The following TMEM217B variants were observed in gnomAD, a reference collection of about 807,000 sequenced individuals.
TMEM217B encodes transmembrane protein 217B.
the TMEM217B span, chr6:37,215,230 T>TA: frequency 6.2e-7 from 1 of 1,613,990 alleles, no homozygotes; most frequent in Non-Finnish European, 8.5e-7. Context: ...CTACAGGTGC[T>TA]GGGGGCTGAG....
chr6:37,218,503 G>A, the TMEM217B span: 125 of 1,614,072 alleles, frequency 7.7e-5, no homozygotes, highest in Admixed American at 1.6e-3. Context: ...TATTTCTGCT[G>A]TGGAGAATCT....
the TMEM217B span, among the ~76,000 whole-genome samples, chr6:37,223,153 G>A: frequency 2.6e-5 from 4 of 151,964 alleles, no homozygotes; most frequent in African/African-American, 7.3e-5. Flanking sequence ...ATAATAAGAT[G>A]TTCTGATAGA....
At chr6:37,212,933 A>C in the TMEM217B span, 1 of 1,550,294 alleles carries the variant, frequency 6.5e-7, no homozygotes, top group Non-Finnish European at 8.7e-7. Flanking sequence ...AGGACAGAGA[A>C]GATGCCCACC....
At chr6:37,255,281 C>G in the TMEM217B span, among the ~76,000 whole-genome samples, 6 of 152,188 alleles carry the variant, frequency 3.9e-5, no homozygotes, top group Non-Finnish European at 7.4e-5. Flanking sequence ...GTGAGTGGAG[C>G]CAAGTCATGT....
chr6:37,221,810 G>T, the TMEM217B span, among the ~76,000 whole-genome samples: 1 of 152,158 alleles, frequency 6.6e-6, no homozygotes, highest in Non-Finnish European at 1.5e-5. Flanking sequence ...TTAAGTGTTA[G>T]ATCAGCTAAA....
the TMEM217B span, among the ~76,000 whole-genome samples, chr6:37,219,750 C>T: frequency 6.2e-4 from 95 of 152,116 alleles, no homozygotes; most frequent in African/African-American, 2.1e-3. Context: ...AAAAATTATG[C>T]TGTTAACTCT....
At chr6:37,218,516 G>A in the TMEM217B span, 38 of 1,614,034 alleles carry the variant, frequency 2.4e-5, no homozygotes, top group Middle Eastern at 1.7e-4. Flanking sequence ...GAGAATCTCC[G>A]CTGTAGAAAT....
chr6:37,235,911 C>T, the TMEM217B span, among the ~76,000 whole-genome samples: 6 of 152,134 alleles, frequency 3.9e-5, no homozygotes, highest in African/African-American at 1.4e-4. Context: ...TTAATACCAC[C>T]ACTATGGGGA....
At chr6:37,245,233 C>T in the TMEM217B span, among the ~76,000 whole-genome samples, 19 of 152,346 alleles carry the variant, frequency 1.2e-4, no homozygotes, top group South Asian at 3.9e-3. Flanking sequence ...CGGTAGGTAG[C>T]CCCAACATCA....
At chr6:37,242,206 T>C in the TMEM217B span, among the ~76,000 whole-genome samples, 1 of 152,078 alleles carries the variant, frequency 6.6e-6, no homozygotes, top group Non-Finnish European at 1.5e-5. Context: ...TAGAGCTCAG[T>C]CCCCAGCCAA....
At chr6:37,252,911 A>T in the TMEM217B span, among the ~76,000 whole-genome samples, 2 of 151,722 alleles carry the variant, frequency 1.3e-5, no homozygotes, top group East Asian at 1.9e-4. Flanking sequence ...AAGTGCTGGG[A>T]TTGCAGGTGT....
chr6:37,241,125 G>A, the TMEM217B span, among the ~76,000 whole-genome samples: 1 of 147,824 alleles, frequency 6.8e-6, no homozygotes, highest in Non-Finnish European at 1.5e-5. Context: ...TTGAGACAGG[G>A]TCTTGCTCTG....
At chr6:37,218,510 A>T in the TMEM217B span, 2 of 1,613,994 alleles carry the variant, frequency 1.2e-6, no homozygotes, top group South Asian at 2.2e-5. Flanking sequence ...GCTGTGGAGA[A>T]TCTCCGCTGT....
At chr6:37,240,555 T>A in the TMEM217B span, among the ~76,000 whole-genome samples, 1 of 152,178 alleles carries the variant, frequency 6.6e-6, no homozygotes, top group Non-Finnish European at 1.5e-5. Flanking sequence ...TCAGAAGTGA[T>A]ATCCATCACT....
At chr6:37,230,385 C>T in the TMEM217B span, among the ~76,000 whole-genome samples, 2 of 152,150 alleles carry the variant, frequency 1.3e-5, no homozygotes, top group African/African-American at 4.8e-5. Flanking sequence ...CTGAATTGTG[C>T]CCCTCGTCAC....
At chr6:37,229,929 G>A in the TMEM217B span, among the ~76,000 whole-genome samples, 26 of 152,200 alleles carry the variant, frequency 1.7e-4, no homozygotes, top group Non-Finnish European at 2.9e-4. Flanking sequence ...AGAAATGGAG[G>A]TATCCTGGGC....
the TMEM217B span, chr6:37,215,232 G>A: frequency 6.2e-7 from 1 of 1,613,938 alleles, no homozygotes; most frequent in Non-Finnish European, 8.5e-7. Context: ...ACAGGTGCTG[G>A]GGGCTGAGCT....
chr6:37,230,736 G>A, the TMEM217B span, among the ~76,000 whole-genome samples: 1 of 152,134 alleles, frequency 6.6e-6, no homozygotes, highest in Non-Finnish European at 1.5e-5. Context: ...TGTAGTTATA[G>A]AAGCCCTAGC....
At chr6:37,226,065 C>T in the TMEM217B span, among the ~76,000 whole-genome samples, 3 of 152,192 alleles carry the variant, frequency 2.0e-5, no homozygotes, top group South Asian at 6.2e-4. Context: ...TCTTTATTGA[C>T]GAAGTGTAAT....
Sources: allele counts gnomAD v4.1 joint callset (sites outside exome capture counted in the v4.1 genomes callset), GRCh38; gene constraint gnomAD v4.1.1; transcripts MANE v1.5; gene names NCBI Gene and HGNC (gene_info 2026-07-23, HGNC 2026-07-21).